The following WHRN variants were observed in gnomAD, a reference collection of about 807,000 sequenced individuals.
WHRN encodes the protein CASK-interacting protein CIP98.
In WHRN, 41 loss-of-function variants were observed where a neutral mutation model predicts 68.3. The observed-to-expected ratio is 0.60, with a 90% confidence interval of 0.47 to 0.78. WHRN has a LOEUF of 0.78. Among genes scored for constraint, WHRN ranks in the 30% least tolerant of loss-of-function variants. WHRN has a pLI of 0.00. For synonymous variants in WHRN, 560 were observed against 561.3 expected (o/e 1.00, Z 0.03); for missense variants, 1,243 against 1,244.7 (o/e 1.00, Z 0.02).
rs1388708636 is a variant in WHRN at position 114,404,185 on chromosome 9, AG to A, written c.2237-109del. 3.3e-6 allele frequency: 4 copies of A among 1,199,340 alleles called. No homozygotes were observed. The African/African-American group carries it at 4.5e-5, about 14-fold the overall frequency. 74.3% of individuals were successfully genotyped at this position (1,199,340 alleles called of 1,614,324 possible). A position where few individuals can be genotyped will look rare whatever the true frequency, so the allele number is the denominator to read the frequency against. On this transcript the variant is annotated intron_variant, in intron 9 of 11. Coordinates refer to ENST00000362057, the MANE Select transcript of WHRN (RefSeq NM_015404.4). ...GGCTGGAAGGCTGGGGGAATTCCCCAGGCAAAGATGGGGGAAGGAATGAAGA... is the reference window on the plus strand; with the variant it reads ...GGCTGGAAGGCTGGGGGAATTCCCCAGCAAAGATGGGGGAAGGAATGAAGA...
chr9:114,481,353 T>G (rs1031350611), intron 1 of WHRN, among the ~76,000 whole-genome samples: 2 of 152,216 alleles, frequency 1.3e-5, no homozygotes, highest in African/African-American at 2.4e-5. Flanking sequence ...AAGATTTTTG[T>G]GAAGATGCAC....
intron 7 of WHRN, among the ~76,000 whole-genome samples, chr9:114,416,901 TGCCCAAGGTGACAAA>T (rs1380080897): frequency 6.6e-6 from 1 of 152,240 alleles, no homozygotes; most frequent in Non-Finnish European, 1.5e-5. Flanking sequence ...ACAAGTCATC[TGCCCAAGGTGACAAA>T]GCTACTACTC....
chr9:114,414,699 A>G (rs1236067449), intron 7 of WHRN, among the ~76,000 whole-genome samples: 1 of 152,252 alleles, frequency 6.6e-6, no homozygotes, highest in Non-Finnish European at 1.5e-5. Context: ...ACTGGCTGAG[A>G]GGAATGGTCC....
chr9:114,421,241 TG>T (rs2132330407), intron 7 of WHRN, among the ~76,000 whole-genome samples: 1 of 152,326 alleles, frequency 6.6e-6, no homozygotes, highest in South Asian at 2.1e-4. Context: ...CTTCCACAGC[TG>T]GGATCTGGAC....
chr9:114,452,896 G>A (rs1031682384), intron 3 of WHRN, among the ~76,000 whole-genome samples: 1 of 152,096 alleles, frequency 6.6e-6, no homozygotes, highest in African/African-American at 2.4e-5. Context: ...CAGAGCTCTG[G>A]GCCCCCAGCA....
Position 114,404,075 on chromosome 9 carries a change from C to G in WHRN, c.2239G>C (p.Ala747Pro). The stretch of plus-strand genomic sequence containing the variant: ...TCCGAGAGCTGGGAGAGCGTAGAGG[C>G]TGCTGGAGAGGGGAAAAGGAAGAGA... ...EVRALPQTRT[A>P]STLSQLSDSG... is the part of the protein sequence containing the mutation. The change falls in exon 10 of 12, where the codon GCC (alanine) becomes CCC (proline). Residue 747 changes from alanine (A) to proline (P), a missense_variant and splice_region_variant. Ala to Pro is a conservative substitution (Grantham distance 27). Transcript: ENST00000362057. 2 of 1,612,828 alleles carry G rather than the reference C, an allele frequency of 1.2e-6. No homozygotes were observed. The highest frequency in any genetic ancestry group is 1.7e-6 in the Non-Finnish European group (2 of 1,179,998).
intron 7 of WHRN, among the ~76,000 whole-genome samples, chr9:114,418,206 C>T (rs1835968334): frequency 6.6e-6 from 1 of 152,152 alleles, no homozygotes; most frequent in South Asian, 2.1e-4. Context: ...ACAGCAGTCG[C>T]TCCTGAGGAA....
chr9:114,416,054 C>T (rs1276414888), intron 7 of WHRN, among the ~76,000 whole-genome samples: 1 of 152,186 alleles, frequency 6.6e-6, no homozygotes, highest in East Asian at 1.9e-4. Context: ...CACTGACAGC[C>T]ACATCTACTG....
intron 3 of WHRN, 152 bp downstream of exon 3, chr9:114,466,115 C>T: frequency 8.2e-7 from 1 of 1,215,776 alleles, no homozygotes. Flanking sequence ...CTGCTGTGAG[C>T]TGTGAATTTA....
intron 3 of WHRN, among the ~76,000 whole-genome samples, chr9:114,431,875 C>G (rs1837454516): frequency 1.3e-5 from 2 of 152,158 alleles, no homozygotes; most frequent in African/African-American, 4.8e-5. Context: ...CAGAGCAAGG[C>G]AACAGCAAAG....
At chr9:114,503,154 C>T (rs1343817913) in intron 1 of WHRN, 1 of 985,370 alleles carries the variant, frequency 1.0e-6, no homozygotes, top group Non-Finnish European at 1.2e-6. Context: ...AGTCGTGGGC[C>T]TCTGCTGCCT....
chr9:114,406,532 G>A lies in WHRN; in HGVS notation c.2059C>T (p.Pro687Ser). 1 of 1,613,700 alleles carries A rather than the reference G, an allele frequency of 6.2e-7. No homozygotes were observed. Among genetic ancestry groups the A allele is most frequent in the East Asian group, 2.2e-5 (1 of 44,868 alleles). ...TCTGCAGAGGGGCTTTTCAGGTGCG[G>A]GGGTGACTGGACCCGTGGGAAGGGG... ...IGPFPRVQSP[P>S]HLKSPSAEAT... is the part of the protein sequence containing the mutation. The change falls in exon 9 of 12, where the codon CCG (proline) becomes TCG (serine). Residue 687 changes from proline (P) to serine (S), a missense_variant. Pro to Ser is a moderately conservative substitution (Grantham distance 74, BLOSUM62 -1). Coordinates refer to ENST00000362057, the MANE Select transcript of WHRN (RefSeq NM_015404.4).
chr9:114,426,476 C>T (rs1266636394), intron 3 of WHRN, 63 bp from the exon 4 acceptor site: 35 of 1,586,582 alleles, frequency 2.2e-5, no homozygotes, highest in Non-Finnish European at 2.8e-5. Flanking sequence ...CTAGGGACTT[C>T]ACAGCCCAGA....
At chr9:114,484,786 A>C (rs1842354189) in intron 1 of WHRN, among the ~76,000 whole-genome samples, 1 of 152,248 alleles carries the variant, frequency 6.6e-6, no homozygotes, top group Admixed American at 6.5e-5. Flanking sequence ...TTCAAACTTA[A>C]TAACTTGCTA....
intron 3 of WHRN, among the ~76,000 whole-genome samples, chr9:114,435,768 G>C (rs193060655): frequency 1.1e-3 from 166 of 152,288 alleles, no homozygotes; most frequent in African/African-American, 3.9e-3. Flanking sequence ...CCAGCTGGAA[G>C]ATAAGATGGA....
intron 2 of WHRN, among the ~76,000 whole-genome samples, chr9:114,469,700 A>T (rs951994051): frequency 1.1e-4 from 17 of 152,238 alleles, no homozygotes; most frequent in Admixed American, 4.6e-4. Context: ...CTCCTTTGCC[A>T]GTGTTGACCC....
intron 3 of WHRN, among the ~76,000 whole-genome samples, chr9:114,449,539 G>A (rs549371651): frequency 7.9e-5 from 12 of 152,340 alleles, no homozygotes; most frequent in African/African-American, 9.6e-5. Context: ...AGAGGACTAA[G>A]CATCTCGAAT....
At chr9:114,469,709 C>A (rs192397466) in intron 2 of WHRN, among the ~76,000 whole-genome samples, 15 of 152,238 alleles carry the variant, frequency 9.9e-5, no homozygotes, top group African/African-American at 2.9e-4. Context: ...CAGTGTTGAC[C>A]CCAGGGCACT....
At chr9:114,438,067 CTACAAAAAA>C (rs1173555848) in intron 3 of WHRN, among the ~76,000 whole-genome samples, 2 of 152,116 alleles carry the variant, frequency 1.3e-5, no homozygotes, top group Non-Finnish European at 2.9e-5. Flanking sequence ...AACCCCATCT[CTACAAAAAA>C]TACAAAAAAT....
Sources: gnomAD v4.1 joint callset for allele counts (sites outside exome capture counted in the v4.1 genomes callset) on GRCh38, gnomAD v4.1.1 for gene constraint, MANE v1.5 for transcripts, NCBI Gene and HGNC (gene_info 2026-07-23, HGNC 2026-07-21) for gene names.